The following SLC2A5 variants were observed in gnomAD, a reference collection of about 807,000 sequenced individuals.
SLC2A5 encodes the protein solute carrier family 2 member 5.
Under a neutral mutation model 50.3 loss-of-function variants are expected in SLC2A5, and 56 were observed. The observed-to-expected ratio is 1.11, with a 90% CI of 0.90 to 1.39. The LOEUF is 1.39. SLC2A5 is among the 40% of genes most tolerant of loss of function. The pLI is 0.00. For synonymous variants in SLC2A5, 269 were observed against 281.9 expected, an observed-to-expected ratio of 0.95 and a Z score of 0.46; for missense variants, 566 against 650.1, an observed-to-expected ratio of 0.87 and a Z score of 1.41.
chr1:9,042,251 G>C (rs1222804803), intron 4 of SLC2A5, among the ~76,000 whole-genome samples: 1 of 152,046 alleles, frequency 6.6e-6, no homozygotes, highest in Non-Finnish European at 1.5e-5. Flanking sequence ...TTTTGAGGAG[G>C]GTCTGTTTCA....
chr1:9,057,556 A>G lies in SLC2A5; in HGVS notation c.185T>C (p.Met62Thr), dbSNP rs750436635. The G allele has an allele frequency of 1.2e-6, 2 of 1,613,988 alleles. No individual in the cohort carries two copies. Among genetic ancestry groups the G allele is most frequent in the South Asian group, 2.2e-5 (2 of 91,084 alleles). Residue 62 changes from methionine to threonine, a missense_variant, in exon 3 of 12, where the codon ATG becomes ACG. By Grantham distance (81) the Met-to-Thr change is moderately conservative. Transcript: ENST00000377424. ...CAGCAACGTCAAGGGGAAGTCTTCCATGAATTCACCGGTCCTACCATAGTA... is the reference window on the plus strand; with the variant it reads ...CAGCAACGTCAAGGGGAAGTCTTCCGTGAATTCACCGGTCCTACCATAGTA... ...ETYYGRTGEF[M>T]EDFPLTLLWS... is the part of the protein sequence containing the mutation.
chr1:9,055,342 T>C (rs1200068242), intron 3 of SLC2A5, among the ~76,000 whole-genome samples: 3 of 150,876 alleles, frequency 2.0e-5, no homozygotes, highest in Non-Finnish European at 3.0e-5. Context: ...ATGGTGAAAC[T>C]CCGTCTCTAA....
rs958314363 is a variant in SLC2A5, at chr1:9,058,149, T to C, written c.132+3A>G. 6.2e-7 allele frequency: 1 copy of C among 1,607,212 alleles called. No individual in the cohort carries two copies. Among genetic ancestry groups the C allele is most frequent in the Middle Eastern group, 1.7e-4 (1 of 6,042 alleles). On this transcript the variant is annotated splice_donor_region_variant and intron_variant, in intron 2 of 11. Transcript: ENST00000377424. ...CCACATCTTGCTCACCACAGTGACCTACCAGTGCTGGGGAGTTGACAGCAG... is the reference window on the plus strand; with the variant it reads ...CCACATCTTGCTCACCACAGTGACCCACCAGTGCTGGGGAGTTGACAGCAG...
intron 3 of SLC2A5, among the ~76,000 whole-genome samples, chr1:9,052,289 A>AG (rs1641599911): frequency 6.6e-6 from 1 of 152,198 alleles, no homozygotes; most frequent in South Asian, 2.1e-4. Flanking sequence ...GTCTCAAAAA[A>AG]AAAGAAAGAA....
At chr1:9,060,109 A>C (rs531809120) in intron 1 of SLC2A5, among the ~76,000 whole-genome samples, 64 of 133,468 alleles carry the variant, frequency 4.8e-4, no homozygotes, top group African/African-American at 1.7e-3. Context: ...CACACAATAC[A>C]CACACACTAT....
chr1:9,056,308 C>T (rs1641749413), intron 3 of SLC2A5, among the ~76,000 whole-genome samples: 1 of 152,130 alleles, frequency 6.6e-6, no homozygotes, highest in African/African-American at 2.4e-5. Flanking sequence ...GCCTCAGCCT[C>T]CCGAGTAGGG....
At chr1:9,053,387 A>ATATTTATATATTATATATATT (rs1641659464) in intron 3 of SLC2A5, among the ~76,000 whole-genome samples, 2 of 30,300 alleles carry the variant, frequency 6.6e-5, no homozygotes, top group African/African-American at 8.7e-5. Context: ...ATATATATTT[A>ATATTTATATATTATATATATT]TATATATTAT....
chr1:9,088,740 G>A (rs947506767), upstream of SLC2A5, among the ~76,000 whole-genome samples: 20 of 152,192 alleles, frequency 1.3e-4, no homozygotes, highest in Admixed American at 1.0e-3. Flanking sequence ...CCGAGATCGC[G>A]CCACTGCACT....
At chr1:9,065,071 AT>A (rs1304851839) in intron 1 of SLC2A5, among the ~76,000 whole-genome samples, 6 of 149,002 alleles carry the variant, frequency 4.0e-5, no homozygotes, top group Non-Finnish European at 5.9e-5. Context: ...AAAAAAAAAA[AT>A]GTATAGCCTA....
At chr1:9,089,584 C>G (rs1440992526), upstream of SLC2A5, among the ~76,000 whole-genome samples, 2 of 152,174 alleles carry the variant, frequency 1.3e-5, no homozygotes, top group Non-Finnish European at 2.9e-5. Context: ...CCTCTGCTGT[C>G]CAAAAGTCAA....
chr1:9,082,175 G>A (rs1318089703), intron 2 of SLC2A5, among the ~76,000 whole-genome samples: 47 of 152,142 alleles, frequency 3.1e-4, no homozygotes, highest in Non-Finnish European at 8.8e-5. Flanking sequence ...TTCAGCTACT[G>A]AGGAAAAAAC....
At chr1:9,090,502 A>G (rs1287301761), upstream of SLC2A5, among the ~76,000 whole-genome samples, 1 of 152,198 alleles carries the variant, frequency 6.6e-6, no homozygotes, top group African/African-American at 2.4e-5. Flanking sequence ...CTCCCAATTA[A>G]AAAACAGGAT....
chr1:9,053,570 T>A (rs1377506161), intron 3 of SLC2A5, among the ~76,000 whole-genome samples: 3 of 116,988 alleles, frequency 2.6e-5, no homozygotes, highest in African/African-American at 9.5e-5. Context: ...TTATATATAT[T>A]TATATATATA....
intron 8 of SLC2A5, 62 bp from the exon 9 acceptor site, chr1:9,038,991 CCAATGGGG>C (rs1358531208): frequency 6.4e-7 from 1 of 1,567,406 alleles, no homozygotes; most frequent in Non-Finnish European, 8.7e-7. Context: ...CCAGCCCCCT[CCAATGGGG>C]CAGCTGTGAG....
upstream of SLC2A5, among the ~76,000 whole-genome samples, chr1:9,091,154 C>G (rs1311144113): frequency 1.3e-5 from 2 of 152,198 alleles, no homozygotes; most frequent in Non-Finnish European, 2.9e-5. Flanking sequence ...TTGCTAAACT[C>G]CTTTATTAAC....
chr1:9,070,072 G>GTTTTTTTTTTTTTTTTTTTTTTTT (rs56828280), upstream of SLC2A5, among the ~76,000 whole-genome samples: 2 of 62,544 alleles, frequency 3.2e-5, no homozygotes, highest in Admixed American at 1.9e-4. Context: ...CTCATTTTCT[G>GTTTTTTTTTTTTTTTTTTTTTTTT]TTTTTTTTTT....
chr1:9,044,359 TA>T (rs1641386873), intron 4 of SLC2A5, among the ~76,000 whole-genome samples: 1 of 151,958 alleles, frequency 6.6e-6, no homozygotes, highest in Admixed American at 6.6e-5. Flanking sequence ...ACAAAAAGTT[TA>T]AATTCCTCTG....
upstream of SLC2A5, among the ~76,000 whole-genome samples, chr1:9,092,927 T>C (rs957406671): frequency 6.6e-6 from 1 of 152,156 alleles, no homozygotes; most frequent in African/African-American, 2.4e-5. Flanking sequence ...GTTACCCTTT[T>C]GCCTTTAGCC....
intron 2 of SLC2A5, among the ~76,000 whole-genome samples, chr1:9,074,996 G>C (rs1367731113): frequency 6.6e-6 from 1 of 151,474 alleles, no homozygotes; most frequent in Non-Finnish European, 1.5e-5. Context: ...AACTCGGCTT[G>C]AGCAACAGAG....
Sources: gnomAD v4.1 joint callset for allele counts (sites outside exome capture counted in the v4.1 genomes callset) on GRCh38, gnomAD v4.1.1 for gene constraint, MANE v1.5 for transcripts, NCBI Gene and HGNC (gene_info 2026-07-23, HGNC 2026-07-21) for gene names.